Variants in RELA observed in about 807,000 individuals in gnomAD.
RELA encodes transcription factor p65.
Under a neutral mutation model 56.7 loss-of-function variants are expected in RELA, and 14 were observed. That is an observed-to-expected ratio of 0.25 (90% CI 0.16 to 0.39). The LOEUF is 0.39. RELA is among the 10% of genes least tolerant of loss of function. RELA has a pLI of 1.00. For synonymous variants in RELA, 315 were observed against 289.7 expected (o/e 1.09, Z -0.89); for missense variants, 559 against 736.4 (o/e 0.76, Z 2.79).
Position 65,662,598 on chromosome 11 carries a change from C to T in RELA, c.7+228G>A, listed in dbSNP as rs916237071. The T allele has an allele frequency of 1.6e-4, 62 of 379,522 alleles. 1 individual carries two copies. The East Asian group carries it at 2.3e-3, about 14-fold the overall frequency. The allele number at this position is 379,522 out of a possible 1,614,324, so 23.5% of individuals were successfully genotyped here. ...AAACTGAGTCAAGGTTCCCTCTGCT[C>T]CCCCACCCAGGGAGGATGCTGAGTC... On this transcript the variant is annotated intron_variant, in intron 1 of 10. Transcript: ENST00000406246.
chr11:65,659,628 CCA>C (rs776695685), intron 6 of RELA, 36 bp downstream of exon 6: 17 of 1,611,472 alleles, frequency 1.1e-5, no homozygotes, highest in Admixed American at 1.0e-4. Flanking sequence ...CTATTCAGGC[CCA>C]CCCTCTCCCC....
At chr11:65,659,519 A>G (rs1439872915) in intron 6 of RELA, 147 bp downstream of exon 6, 4 of 1,070,386 alleles carry the variant, frequency 3.7e-6, no homozygotes, top group Non-Finnish European at 5.4e-6. Context: ...CTCCCCAGCC[A>G]ACAAAGAGCT....
intron 4 of RELA, chr11:65,660,656 A>G: frequency 5.6e-6 from 1 of 177,364 alleles, no homozygotes; most frequent in Non-Finnish European, 1.2e-5. Flanking sequence ...TTATCCTTCT[A>G]TCCTATGACC....
rs763785060 is a variant in RELA, at chr11:65,655,770, G to A, written c.959-8C>T. On this transcript the variant is annotated splice_polypyrimidine_tract_variant and splice_region_variant and intron_variant, in intron 9 of 10. Coordinates refer to ENST00000406246, the MANE Select transcript of RELA (RefSeq NM_021975.4). ...GCCGGGGGTCGGTGGGTCCTGTAGG[G>A]CAAGGGCTAGGTCAGTTCTCAGCCC... 6.8e-6 allele frequency: 11 copies of A among 1,613,812 alleles called. No homozygotes were observed. Among genetic ancestry groups the A allele is most frequent in the Non-Finnish European group, 7.6e-6 (9 of 1,179,890 alleles).
In RELA at chr11:65,654,620, A is replaced by T; in HGVS notation, c.1414T>A (p.Ser472Thr). Residue 472 changes from serine (S) to threonine (T), a missense_variant, in exon 11 of 11, where the codon TCC becomes ACC. Ser to Thr is a moderately conservative substitution (Grantham distance 58, BLOSUM62 1). Coordinates refer to ENST00000406246, the MANE Select transcript of RELA (RefSeq NM_021975.4). Reference sequence around the variant, plus strand: ...TGGTTCAGCAGCTGCTGAAACTCGGAGTTGTCGACGGATGCCAGGTCTGTG... The same window carrying T: ...TGGTTCAGCAGCTGCTGAAACTCGGTGTTGTCGACGGATGCCAGGTCTGTG... ...VFTDLASVDN[S>T]EFQQLLNQGI... 6.2e-7 allele frequency: 1 copy of T among 1,609,046 alleles called. No individual in the cohort carries two copies. Among genetic ancestry groups the T allele is most frequent in the East Asian group, 2.2e-5 (1 of 44,866 alleles).
Position 65,659,417 on chromosome 11 carries a change from G to A in RELA, c.559+249C>T, listed in dbSNP as rs1856507738. On this transcript the variant is annotated intron_variant, in intron 6 of 10. Coordinates refer to ENST00000406246, the MANE Select transcript of RELA (RefSeq NM_021975.4). ...CACCACCTTCTCATCACACAATACT[G>A]AAAATGCCCATCTCCCATCAGACTC... Among the ~76,000 whole-genome samples, 3 of 152,074 alleles carry A rather than the reference G, an allele frequency of 2.0e-5. No individual in the cohort carries two copies. In the South Asian group the frequency reaches 6.2e-4, roughly 31 times the overall value.
chr11:65,660,621 G>C (rs887512017), intron 4 of RELA: 7 of 204,770 alleles, frequency 3.4e-5, no homozygotes, highest in South Asian at 8.7e-5. Flanking sequence ...TCACACACCA[G>C]CTCCCCTAAC....
rs1215666431 is a variant in RELA, at chr11:65,658,838, CAAGG to C, written c.560-20_560-17del. On this transcript the variant is annotated splice_polypyrimidine_tract_variant and intron_variant, in intron 6 of 10. Coordinates refer to ENST00000406246, the MANE Select transcript of RELA (RefSeq NM_021975.4). This position sits in a 1 kb window ranked among gnomAD's most constrained non-coding sequence, Gnocchi z 4.5. Reference sequence around the variant, plus strand: ...TTGGGGGCACCTGAGGCAGTGAAAACAAGGGAGGATGACCTGAGCCACGAGAGGT... The same window carrying C: ...TTGGGGGCACCTGAGGCAGTGAAAACGAGGATGACCTGAGCCACGAGAGGT... 6.2e-7 allele frequency: 1 copy of C among 1,611,740 alleles called. No homozygotes were observed. The highest frequency in any genetic ancestry group is 8.5e-7 in the Non-Finnish European group (1 of 1,177,966).
intron 4 of RELA, 167 bp from the exon 5 acceptor site, chr11:65,660,382 G>A (rs778402386): frequency 6.2e-6 from 4 of 640,966 alleles, no homozygotes; most frequent in Non-Finnish European, 1.1e-5. Flanking sequence ...CCTTCACTCA[G>A]CTGACAAGCA....
intron 1 of RELA, 108 bp downstream of exon 1, chr11:65,662,718 G>C: frequency 1.1e-6 from 1 of 923,092 alleles, no homozygotes; most frequent in South Asian, 5.3e-5. Flanking sequence ...ACCGCTCCCT[G>C]CGCAGCGCCC....
intron 8 of RELA, among the ~76,000 whole-genome samples, chr11:65,657,687 C>T (rs1427660018): frequency 3.9e-5 from 6 of 152,208 alleles, no homozygotes; most frequent in Admixed American, 2.6e-4. Flanking sequence ...TCCAGCTCCC[C>T]GGAGGCCACT....
intron 6 of RELA, 123 bp downstream of exon 6, chr11:65,659,543 T>C (rs1856510709): frequency 4.8e-6 from 6 of 1,261,550 alleles, no homozygotes; most frequent in African/African-American, 3.0e-5. Context: ...CAGAGAAGAG[T>C]AGACAAATAC....
chr11:65,658,691 A>G lies in RELA; in HGVS notation c.664+27T>C, dbSNP rs760949976. On this transcript the variant is annotated intron_variant, in intron 7 of 10. Coordinates refer to ENST00000406246, the MANE Select transcript of RELA (RefSeq NM_021975.4). This position sits in a 1 kb window ranked among gnomAD's most constrained non-coding sequence, Gnocchi z 4.5. ...CTCAGCTTCACCCCTTGCTCCCAAG[A>G]GCCCACCCCTGCCTCCTGATGTATA... is the stretch of plus-strand genomic sequence containing the variant. The G allele has an allele frequency of 8.8e-6, 14 of 1,598,368 alleles. No individual in the cohort carries two copies. The highest frequency in any genetic ancestry group is 1.2e-5 in the Non-Finnish European group (14 of 1,166,044).
Position 65,662,812 on chromosome 11 carries a change from G to C in RELA, c.7+14C>G. 5.0e-6 allele frequency: 6 copies of C among 1,200,622 alleles called. No individual in the cohort carries two copies. The highest frequency in any genetic ancestry group is 6.2e-6 in the Non-Finnish European group (6 of 967,762). 74.4% of individuals were successfully genotyped at this position (1,200,622 alleles called of 1,614,324 possible). A position where few individuals can be genotyped will look rare whatever the true frequency, so the allele number is the denominator to read the frequency against. ...CCGGCGATGCCACCCCGCGGGGTCA[G>C]AGGGCGACCTCACCGTCCATGGCCG... On this transcript the variant is annotated intron_variant, in intron 1 of 10. Transcript: ENST00000406246.
rs368784411 is a variant in RELA at position 65,662,184 on chromosome 11, G to A, written c.29C>T (p.Pro10Leu). MDELFPLIF[P>L]AEPAQASGPY... Reference sequence around the variant, plus strand: ...CCGCCGCGGGGGCCACTTACCTGCCGGGAAGATGAGGGGGAACAGTTCTGA... The same window carrying A: ...CCGCCGCGGGGGCCACTTACCTGCCAGGAAGATGAGGGGGAACAGTTCTGA... Residue 10 changes from proline to leucine, a missense_variant, in exon 2 of 11, where the codon CCG becomes CTG. Pro to Leu is a moderately conservative substitution (Grantham distance 98). Transcript: ENST00000406246. 9 of 1,588,018 alleles carry A rather than the reference G, an allele frequency of 5.7e-6. No homozygotes were observed. Among genetic ancestry groups the A allele is most frequent in the African/African-American group, 1.4e-5 (1 of 73,124 alleles).
upstream of RELA, chr11:65,663,011 C>T (rs1856614759): frequency 1.8e-5 from 6 of 331,514 alleles, no homozygotes; most frequent in Non-Finnish European, 3.0e-5. Flanking sequence ...GGAGCAAGTG[C>T]ACGCCGCGCG....
Position 65,654,835 on chromosome 11 carries a change from A to C in RELA, c.1199T>G (p.Val400Gly). ...APAPAPAPAM[V>G]SALAQAPAPV... ...GGCTGGGGCCTGGGCCAGAGCTGAT[A>C]CCATGGCTGGAGCAGGGGCAGGGGC... Residue 400 changes from valine (V) to glycine (G), a missense_variant, in exon 11 of 11, where the codon GTA becomes GGA. Physicochemically the swap from Val to Gly is moderately radical, Grantham distance 109. Transcript: ENST00000406246. 1 of 1,548,426 alleles carries C rather than the reference A, an allele frequency of 6.5e-7. No homozygotes were observed. The highest frequency in any genetic ancestry group is 8.8e-7 in the Non-Finnish European group (1 of 1,141,978).
chr11:65,657,067 G>C (rs759515887), intron 8 of RELA, among the ~76,000 whole-genome samples: 3 of 152,092 alleles, frequency 2.0e-5, no homozygotes, highest in South Asian at 2.1e-4. Flanking sequence ...CTCAAGTGAC[G>C]GTGGTCCAGG....
chr11:65,658,953 C>A lies in RELA; in HGVS notation c.560-131G>T. 1.4e-6 allele frequency: 1 copy of A among 717,982 alleles called. No individual in the cohort carries two copies. Among genetic ancestry groups the A allele is most frequent in the Non-Finnish European group, 2.5e-6 (1 of 401,550 alleles). 44.5% of individuals were successfully genotyped at this position (717,982 alleles called of 1,614,324 possible). On this transcript the variant is annotated intron_variant, in intron 6 of 10. Transcript: ENST00000406246. This position sits in a 1 kb window ranked among gnomAD's most constrained non-coding sequence, Gnocchi z 4.5. ...GAGCTTGCCACCTACACCTTTGTAG[C>A]CAAAGTCAGACCTTCTTATTAGCTC...
Sources: gnomAD v4.1 joint callset for allele counts (sites outside exome capture counted in the v4.1 genomes callset) on GRCh38, gnomAD v4.1.1 for gene constraint, Gnocchi (gnomAD v3.1) non-coding constraint, MANE v1.5 for transcripts, NCBI Gene and HGNC (gene_info 2026-07-23, HGNC 2026-07-21) for gene names.